Variants in GMPR observed in about 807,000 individuals in gnomAD.
The protein encoded by GMPR is GMP reductase 1.
Under a neutral mutation model 38.4 loss-of-function variants are expected in GMPR, and 31 were observed. The observed-to-expected ratio is 0.81, with a 90% CI of 0.61 to 1.09. The LOEUF (loss-of-function observed/expected upper bound fraction) is 1.09, where lower values mean the gene tolerates loss of function less well. GMPR is among the 50% of genes least tolerant of loss of function. The pLI is 0.00. For synonymous variants in GMPR, 162 were observed against 173.3 expected (o/e 0.93, Z 0.51); for missense variants, 468 against 453.7 (o/e 1.03, Z -0.29).
intron 3 of GMPR, among the ~76,000 whole-genome samples, chr6:16,250,991 G>T (rs1437845287): frequency 6.6e-6 from 1 of 152,146 alleles, no homozygotes; most frequent in Non-Finnish European, 1.5e-5. Context: ...TCAGTTCCTG[G>T]AACGTTAACC....
intron 6 of GMPR, among the ~76,000 whole-genome samples, chr6:16,285,482 C>T (rs1253588529): frequency 2.6e-5 from 4 of 152,170 alleles, no homozygotes; most frequent in African/African-American, 9.7e-5. Context: ...GCCCCTCTGC[C>T]GCTCACAGCC....
At position 16,295,288 on chromosome 6, in the gene GMPR, A is replaced by G. The variant is rs1759915931; in HGVS notation, c.*102A>G. 1.2e-6 allele frequency: 1 copy of G among 857,912 alleles called. No homozygotes were observed. Among genetic ancestry groups the G allele is most frequent in the Non-Finnish European group, 1.7e-6 (1 of 593,158 alleles). 53.1% of individuals were successfully genotyped at this position (857,912 alleles called of 1,614,324 possible). The stretch of plus-strand genomic sequence containing the variant: ...CGTCAGAGCTTCTGGCTGCTCCTGA[A>G]TGGTGGAATGCTGTGTCCTCTCTTC... On this transcript the variant is annotated 3_prime_UTR_variant, in exon 9 of 9. Transcript: ENST00000259727.
intron 5 of GMPR, among the ~76,000 whole-genome samples, chr6:16,276,793 A>G (rs1312496163): frequency 2.0e-5 from 3 of 152,348 alleles, no homozygotes; most frequent in East Asian, 1.9e-4. Flanking sequence ...GATAGATTTC[A>G]TTCATTATTG....
intron 1 of GMPR, among the ~76,000 whole-genome samples, chr6:16,241,387 G>A (rs1001935135): frequency 1.3e-5 from 2 of 152,158 alleles, no homozygotes; most frequent in Non-Finnish European, 2.9e-5. Flanking sequence ...CTCCTGCAAG[G>A]ACATTTCCAC....
At chr6:16,268,813 G>A (rs1157201037) in intron 4 of GMPR, among the ~76,000 whole-genome samples, 1 of 151,924 alleles carries the variant, frequency 6.6e-6, no homozygotes, top group Non-Finnish European at 1.5e-5. Flanking sequence ...GTACAACAGT[G>A]TGAATGTACT....
chr6:16,241,022 C>CA (rs1434186945), intron 1 of GMPR, among the ~76,000 whole-genome samples: 2 of 152,100 alleles, frequency 1.3e-5, no homozygotes, highest in African/African-American at 4.8e-5. Flanking sequence ...AATCCCCTCT[C>CA]AATGTTTTCT....
At chr6:16,267,818 C>T (rs1003158177) in intron 4 of GMPR, among the ~76,000 whole-genome samples, 1 of 152,170 alleles carries the variant, frequency 6.6e-6, no homozygotes, top group African/African-American at 2.4e-5. Context: ...TAGATAGAGG[C>T]CAAGCTCTAC....
rs554383030 is a variant in GMPR, at chr6:16,238,710, C to T, written c.17C>T (p.Ala6Val). The T allele has an allele frequency of 7.7e-6, 11 of 1,430,732 alleles. No homozygotes were observed. The South Asian group carries it at 1.2e-4, about 15-fold the overall frequency. 88.6% of individuals were successfully genotyped at this position (1,430,732 alleles called of 1,614,324 possible). A position where few individuals can be genotyped will look rare whatever the true frequency, so the allele number is the denominator to read the frequency against. Residue 6 changes from alanine to valine, a missense_variant, in exon 1 of 9, where the codon GCG becomes GTG. Coordinates refer to ENST00000259727, the MANE Select transcript of GMPR (RefSeq NM_006877.4). MPRID[A>V]DLKLDFKDVL... ...CGCTGCACCATGCCCCGCATAGATGCGGACCTCAAGCTCGACTTCAAGGAT... is the reference window on the plus strand; with the variant it reads ...CGCTGCACCATGCCCCGCATAGATGTGGACCTCAAGCTCGACTTCAAGGAT...
rs956746305 is a variant in GMPR, at chr6:16,290,390, G to A, written c.698-72G>A. The A allele has an allele frequency of 3.5e-6, 5 of 1,416,772 alleles. No individual in the cohort carries two copies. In the South Asian group the frequency reaches 4.8e-5, roughly 14 times the overall value. The allele number at this position is 1,416,772 out of a possible 1,614,324, so 87.8% of individuals were successfully genotyped here. A position where few individuals can be genotyped will look rare whatever the true frequency, so the allele number is the denominator to read the frequency against. On this transcript the variant is annotated intron_variant, in intron 7 of 8. Coordinates refer to ENST00000259727, the MANE Select transcript of GMPR (RefSeq NM_006877.4). ...GGGAGGTGAACTGGGCAAGCACTGG[G>A]ATTTTTTGAGAGCCTTTTCCCCTGA...
chr6:16,265,902 A>G (rs1235607147), intron 4 of GMPR, among the ~76,000 whole-genome samples: 1 of 152,182 alleles, frequency 6.6e-6, no homozygotes, highest in Non-Finnish European at 1.5e-5. Flanking sequence ...CACTTACTGC[A>G]AAGATGTGCA....
chr6:16,285,301 G>T (rs1292539613), intron 6 of GMPR, among the ~76,000 whole-genome samples: 1 of 152,208 alleles, frequency 6.6e-6, no homozygotes, highest in African/African-American at 2.4e-5. Context: ...AAAGATAAAA[G>T]GATTAACTCA....
At chr6:16,289,432 A>T (rs151150735) in intron 7 of GMPR, 1 of 152,318 alleles carries the variant, frequency 6.6e-6, no homozygotes, top group Admixed American at 6.5e-5. Context: ...ACAGCTAATC[A>T]TTCAGCGTCT....
At chr6:16,267,226 G>T (rs1262478167) in intron 4 of GMPR, among the ~76,000 whole-genome samples, 1 of 152,064 alleles carries the variant, frequency 6.6e-6, no homozygotes, top group Non-Finnish European at 1.5e-5. Flanking sequence ...GAAAAAATTA[G>T]TCGGGTGCAG....
In GMPR at chr6:16,238,782, TG is replaced by T. The variant is rs1316662755; in HGVS notation, c.87+7del. On this transcript the variant is annotated splice_donor_region_variant and intron_variant, in intron 1 of 8. Coordinates refer to ENST00000259727, the MANE Select transcript of GMPR (RefSeq NM_006877.4). ...AGCAGCCTCAAGAGCCGAGCCGAGG[TG>T]GGGGACGTTCGGAAGTCGCAGTGGG... 7 of 1,440,004 alleles carry T rather than the reference TG, an allele frequency of 4.9e-6. No individual in the cohort carries two copies. Among genetic ancestry groups the T allele is most frequent in the East Asian group, 2.8e-5 (1 of 35,446 alleles). The allele number at this position is 1,440,004 out of a possible 1,614,324, so 89.2% of individuals were successfully genotyped here.
Position 16,290,627 on chromosome 6 carries a change from G to A in GMPR, c.857+6G>A, listed in dbSNP as rs375719069. On this transcript the variant is annotated splice_donor_region_variant and intron_variant, in intron 8 of 8. Transcript: ENST00000259727. The stretch of plus-strand genomic sequence containing the variant: ...GGAGGAGTTGCTGAGTACAGGTGAG[G>A]AGGTGACCCCGGGGCGCACCCTCGA... 6.2e-7 allele frequency: 1 copy of A among 1,612,854 alleles called. No individual in the cohort carries two copies. Among genetic ancestry groups the A allele is most frequent in the Non-Finnish European group, 8.5e-7 (1 of 1,178,972 alleles).
intron 1 of GMPR, among the ~76,000 whole-genome samples, chr6:16,242,564 A>G (rs1435127195): frequency 2.6e-5 from 4 of 151,738 alleles, no homozygotes; most frequent in African/African-American, 7.3e-5. Context: ...GTTGTCCCCA[A>G]TCTCTGCCTT....
At chr6:16,248,480 TAAATC>T (rs1218087881) in intron 2 of GMPR, among the ~76,000 whole-genome samples, 1 of 151,594 alleles carries the variant, frequency 6.6e-6, no homozygotes, top group Non-Finnish European at 1.5e-5. Flanking sequence ...AGTGAAAAGA[TAAATC>T]CAATTAGTTG....
intron 1 of GMPR, among the ~76,000 whole-genome samples, chr6:16,244,312 A>C (rs1561818141): frequency 6.6e-6 from 1 of 150,780 alleles, no homozygotes; most frequent in Non-Finnish European, 1.5e-5. Flanking sequence ...TCCGGTGTTC[A>C]ATCAATCCTC....
At chr6:16,254,422 G>T in intron 3 of GMPR, 140 bp from the exon 4 acceptor site, 1 of 672,786 alleles carries the variant, frequency 1.5e-6, no homozygotes. Flanking sequence ...CATGTGTCTT[G>T]AGCAGGTGCA....
Sources: gnomAD v4.1 joint callset for allele counts (sites outside exome capture counted in the v4.1 genomes callset) on GRCh38, gnomAD v4.1.1 for gene constraint, MANE v1.5 for transcripts, NCBI Gene and HGNC (gene_info 2026-07-23, HGNC 2026-07-21) for gene names.